The following EXOC4 variants were observed in gnomAD, a reference collection of about 807,000 sequenced individuals.
The protein encoded by EXOC4 is SEC8-like 1.
EXOC4 carries 71 observed loss-of-function variants against 107.2 expected under a neutral mutation model. The observed-to-expected ratio is 0.66, with a 90% CI of 0.55 to 0.81. The LOEUF is 0.81. EXOC4 is among the 30% of genes least tolerant of loss of function. EXOC4 has a pLI of 0.00. For synonymous variants in EXOC4, 456 were observed against 441.2 expected (o/e 1.03, Z -0.42); for missense variants, 1,108 against 1,189.6 (o/e 0.93, Z 1.01).
At chr7:133,436,082 A>G (rs1263954004) in intron 7 of EXOC4, among the ~76,000 whole-genome samples, 1 of 149,530 alleles carries the variant, frequency 6.7e-6, no homozygotes, top group East Asian at 2.0e-4. Context: ...AGGAGATAGA[A>G]TTTGCTCTTG....
chr7:133,437,964 G>A (rs564355461), intron 7 of EXOC4, among the ~76,000 whole-genome samples: 8 of 152,026 alleles, frequency 5.3e-5, no homozygotes, highest in South Asian at 2.1e-4. Context: ...TCTTTGTCCC[G>A]CTTTTTGGTA....
At chr7:133,804,080 T>C (rs995865567) in intron 10 of EXOC4, among the ~76,000 whole-genome samples, 3 of 152,186 alleles carry the variant, frequency 2.0e-5, no homozygotes, top group African/African-American at 7.2e-5. Flanking sequence ...GGCAATACTG[T>C]CTTCCAAGTA....
At chr7:133,775,721 G>A (rs1430989689) in intron 10 of EXOC4, among the ~76,000 whole-genome samples, 2 of 152,132 alleles carry the variant, frequency 1.3e-5, no homozygotes, top group Admixed American at 6.5e-5. Context: ...TGGGGCATCC[G>A]TAAGCCTTTC....
chr7:133,794,400 C>G (rs189186760), intron 10 of EXOC4, among the ~76,000 whole-genome samples: 79 of 152,272 alleles, frequency 5.2e-4, no homozygotes, highest in Non-Finnish European at 9.6e-4. Flanking sequence ...TGGTGACTGT[C>G]CCAGTAACAT....
intron 10 of EXOC4, among the ~76,000 whole-genome samples, chr7:133,667,611 T>G (rs777396014): frequency 3.3e-4 from 50 of 152,252 alleles, no homozygotes; most frequent in Non-Finnish European, 1.0e-4. Context: ...AAGTATTCCA[T>G]GGATCTTCTT....
intron 11 of EXOC4, among the ~76,000 whole-genome samples, chr7:133,887,819 G>C (rs1799119378): frequency 6.6e-6 from 1 of 152,112 alleles, no homozygotes. Flanking sequence ...ACATGTTGTA[G>C]GATATCCTGT....
In EXOC4 at chr7:133,510,373, T is replaced by C. The variant is rs550102486; in HGVS notation, c.1417+30235T>C. Reference sequence around the variant, plus strand: ...TTTTGTTTATCCATTCATCAGTTAATGGACATTGGGTTGCATCCACTTTTC... The same window carrying C: ...TTTTGTTTATCCATTCATCAGTTAACGGACATTGGGTTGCATCCACTTTTC... On this transcript the variant is annotated intron_variant, in intron 9 of 17. Coordinates refer to ENST00000253861, the MANE Select transcript of EXOC4 (RefSeq NM_021807.4). Among the ~76,000 whole-genome samples, 9 of 152,332 alleles carry C rather than the reference T, an allele frequency of 5.9e-5. No individual in the cohort carries two copies. The East Asian group carries it at 1.5e-3, about 26-fold the overall frequency.
At position 133,288,985 on chromosome 7, in the gene EXOC4, CTG is replaced by C. The variant is rs1433416025; in HGVS notation, c.343_344del (p.Trp115AspfsTer2). ...LHCKRDELRK[L>X]WIEGIEHKHV... is the part of the protein sequence containing the mutation. ...CTGCAAACGGGATGAGCTTCGGAAACTGTGGATTGAAGGAATTGAGCATAAGC... is the reference window on the plus strand; with the variant it reads ...CTGCAAACGGGATGAGCTTCGGAAACTGGATTGAAGGAATTGAGCATAAGC... On this transcript the variant is annotated frameshift_variant, in exon 3 of 18. Transcript: ENST00000253861. LOFTEE classifies it high-confidence loss of function. 1.9e-6 allele frequency: 3 copies of C among 1,614,038 alleles called. No individual in the cohort carries two copies. The highest frequency in any genetic ancestry group is 1.3e-5 in the African/African-American group (1 of 74,932).
chr7:133,557,548 T>C (rs1348212940), intron 9 of EXOC4, among the ~76,000 whole-genome samples: 2 of 152,214 alleles, frequency 1.3e-5, no homozygotes, highest in Non-Finnish European at 2.9e-5. Flanking sequence ...ATAGAGTCAA[T>C]AGATTCATAG....
At chr7:133,904,311 C>T (rs1014784105) in intron 12 of EXOC4, among the ~76,000 whole-genome samples, 5 of 152,114 alleles carry the variant, frequency 3.3e-5, no homozygotes, top group African/African-American at 1.2e-4. Context: ...GAGGGGTGTG[C>T]AACTGGAGTG....
Position 133,689,665 on chromosome 7 carries a change from G to A in EXOC4, c.1514+59524G>A, listed in dbSNP as rs575971094. On this transcript the variant is annotated intron_variant, in intron 10 of 17. Transcript: ENST00000253861. The stretch of plus-strand genomic sequence containing the variant: ...GGAGGAATTTGATCAGATATTCAGG[G>A]TGAGGGACTTTTCCTCAACTAACCC... 2.0e-5 allele frequency among the ~76,000 whole-genome samples: 3 copies of A among 152,306 alleles called. No homozygotes were observed. In the East Asian group the frequency reaches 5.8e-4, roughly 29 times the overall value.
chr7:134,004,816 A>T lies in EXOC4; in HGVS notation c.2349-96A>T, dbSNP rs1794605893. ...ATGGCTAGTCTTACATTTATTAATG[A>T]TAATTTATTAGTTATTTTGGTGCTC... On this transcript the variant is annotated intron_variant, in intron 15 of 17. Transcript: ENST00000253861. The T allele has an allele frequency of 8.9e-6, 9 of 1,006,874 alleles. No homozygotes were observed. In the South Asian group the frequency reaches 1.3e-4, roughly 15 times the overall value. The allele number at this position is 1,006,874 out of a possible 1,614,324, so 62.4% of individuals were successfully genotyped here.
At chr7:133,779,521 C>T (rs745915488) in intron 10 of EXOC4, among the ~76,000 whole-genome samples, 3 of 152,158 alleles carry the variant, frequency 2.0e-5, no homozygotes, top group Non-Finnish European at 4.4e-5. Flanking sequence ...ATATTTAGGT[C>T]AGAGGACTTA....
At chr7:133,925,720 A>G (rs1407792702) in intron 13 of EXOC4, among the ~76,000 whole-genome samples, 1 of 152,192 alleles carries the variant, frequency 6.6e-6, no homozygotes, top group East Asian at 1.9e-4. Context: ...AGGTCAAGCA[A>G]TATATAAAAC....
At chr7:134,055,270 A>G (rs1425752331) in intron 17 of EXOC4, among the ~76,000 whole-genome samples, 1 of 152,204 alleles carries the variant, frequency 6.6e-6, no homozygotes, top group Non-Finnish European at 1.5e-5. Context: ...GAGTGACTCA[A>G]CCAAGTGATG....
At chr7:133,452,607 C>T (rs1798373549) in intron 7 of EXOC4, among the ~76,000 whole-genome samples, 1 of 149,480 alleles carries the variant, frequency 6.7e-6, no homozygotes, top group South Asian at 2.2e-4. Context: ...TAATGCTCAT[C>T]CATTCTAGAT....
At chr7:133,609,295 T>G (rs901613008) in intron 9 of EXOC4, among the ~76,000 whole-genome samples, 1 of 152,356 alleles carries the variant, frequency 6.6e-6, no homozygotes, top group East Asian at 1.9e-4. Context: ...GTGGACTGTT[T>G]CCATACTTAA....
chr7:133,701,854 C>T (rs192226758), intron 10 of EXOC4, among the ~76,000 whole-genome samples: 2 of 151,986 alleles, frequency 1.3e-5, no homozygotes, highest in Non-Finnish European at 2.9e-5. Flanking sequence ...GATAATTTTG[C>T]GCATATAACA....
chr7:133,589,439 C>T (rs1476679709), intron 9 of EXOC4, among the ~76,000 whole-genome samples: 1 of 152,134 alleles, frequency 6.6e-6, no homozygotes. Flanking sequence ...TTGCTTTGTG[C>T]TTTGTCTTCA....
Sources: allele counts gnomAD v4.1 joint callset (sites outside exome capture counted in the v4.1 genomes callset), GRCh38; gene constraint gnomAD v4.1.1; transcripts MANE v1.5; gene names NCBI Gene and HGNC (gene_info 2026-07-23, HGNC 2026-07-21).